Variants in MAGI2 observed in about 807,000 individuals in gnomAD.
MAGI2 encodes membrane associated guanylate kinase, WW and PDZ domain containing 2, also known as membrane-associated guanylate kinase, WW and PDZ domain-containing protein 2.
A neutral mutation model predicts 133.3 loss-of-function variants in MAGI2; 35 were observed. The ratio of observed to expected loss-of-function variants is 0.26; its 90% CI spans 0.20 to 0.35. The LOEUF (loss-of-function observed/expected upper bound fraction) is 0.35. MAGI2 is among the 10% of genes least tolerant of loss of function. The pLI is 1.00. For synonymous variants in MAGI2, 729 were observed against 710.6 expected (o/e 1.03, Z -0.41); for missense variants, 1,636 against 1,863.4 (o/e 0.88, Z 2.25).
intron 2 of MAGI2, among the ~76,000 whole-genome samples, chr7:78,931,230 G>A (rs181076404): frequency 2.0e-5 from 3 of 152,252 alleles, no homozygotes; most frequent in African/African-American, 7.2e-5. Context: ...TGGACTGATT[G>A]TGGATTTTCA....
At chr7:78,663,152 G>A (rs1162983226) in intron 2 of MAGI2, among the ~76,000 whole-genome samples, 1 of 150,018 alleles carries the variant, frequency 6.7e-6, no homozygotes, top group African/African-American at 2.5e-5. Context: ...TGGTTACCAT[G>A]GTTACCTCTT....
chr7:78,761,508 C>A (rs1824509659), intron 2 of MAGI2, among the ~76,000 whole-genome samples: 1 of 151,434 alleles, frequency 6.6e-6, no homozygotes, highest in Non-Finnish European at 1.5e-5. Flanking sequence ...CTCTGTCCCC[C>A]AGGCTGGAGT....
chr7:79,071,418 C>T (rs1183972641), intron 1 of MAGI2, among the ~76,000 whole-genome samples: 1 of 152,020 alleles, frequency 6.6e-6, no homozygotes, highest in Non-Finnish European at 1.5e-5. Context: ...AGTCAGGATA[C>T]ACGGGGGTCA....
intron 1 of MAGI2, among the ~76,000 whole-genome samples, chr7:79,120,265 A>C (rs1180402720): frequency 2.0e-5 from 3 of 152,078 alleles, no homozygotes; most frequent in Non-Finnish European, 4.4e-5. Flanking sequence ...TTACATATGG[A>C]ATATTTAAAA....
At chr7:79,449,735 A>T (rs748807100) in intron 1 of MAGI2, among the ~76,000 whole-genome samples, 3 of 151,992 alleles carry the variant, frequency 2.0e-5, no homozygotes, top group Non-Finnish European at 4.4e-5. Context: ...ACAATAAGCC[A>T]TATTTTAATA....
chr7:79,382,949 A>G (rs915993949), intron 1 of MAGI2, among the ~76,000 whole-genome samples: 1 of 151,686 alleles, frequency 6.6e-6, no homozygotes, highest in Non-Finnish European at 1.5e-5. Context: ...AACCATCTTT[A>G]GCAACAATAG....
intron 6 of MAGI2, among the ~76,000 whole-genome samples, chr7:78,392,952 C>T (rs1479858407): frequency 3.9e-5 from 6 of 152,110 alleles, no homozygotes; most frequent in Non-Finnish European, 7.3e-5. Context: ...TGAGCCACCG[C>T]GCCTGGCCTG....
At chr7:78,555,658 A>T (rs1799760522) in intron 3 of MAGI2, among the ~76,000 whole-genome samples, 1 of 152,192 alleles carries the variant, frequency 6.6e-6, no homozygotes, top group Non-Finnish European at 1.5e-5. Context: ...CTACCTGCTG[A>T]TAAAACCACA....
chr7:78,516,454 G>C (rs975789839), intron 4 of MAGI2, among the ~76,000 whole-genome samples: 2 of 152,140 alleles, frequency 1.3e-5, no homozygotes, highest in African/African-American at 2.4e-5. Context: ...CTGGGCTCAA[G>C]TGATCCTCCC....
At chr7:79,341,000 T>C (rs1334364037) in intron 1 of MAGI2, among the ~76,000 whole-genome samples, 1 of 152,102 alleles carries the variant, frequency 6.6e-6, no homozygotes, top group Non-Finnish European at 1.5e-5. Flanking sequence ...ACACCTATTA[T>C]AAAAATTATT....
chr7:78,147,432 CTT>C (rs1823414337), intron 16 of MAGI2, among the ~76,000 whole-genome samples: 1 of 152,228 alleles, frequency 6.6e-6, no homozygotes, highest in East Asian at 1.9e-4. Context: ...TCTCTCATGA[CTT>C]ATATTTTAAA....
chr7:79,378,910 A>G (rs1178534466), intron 1 of MAGI2, among the ~76,000 whole-genome samples: 3 of 87,980 alleles, frequency 3.4e-5, no homozygotes, highest in Admixed American at 2.7e-4. Context: ...TCTTTTATAT[A>G]TATATATGTG....
chr7:78,685,650 A>G (rs796513187), intron 2 of MAGI2, among the ~76,000 whole-genome samples: 52 of 151,048 alleles, frequency 3.4e-4, no homozygotes, highest in African/African-American at 9.7e-4. Context: ...CTATATATAT[A>G]TGTGTGTGTG....
chr7:78,521,376 T>C lies in MAGI2; in HGVS notation c.754+54A>G, dbSNP rs115495638. 4.2e-5 allele frequency: 55 copies of C among 1,296,776 alleles called. No individual in the cohort carries two copies. In the African/African-American group the frequency reaches 5.7e-4, roughly 13 times the overall value. The allele number at this position is 1,296,776 out of a possible 1,614,324, so 80.3% of individuals were successfully genotyped here. The stretch of plus-strand genomic sequence containing the variant: ...TACTGTGTATATGTGTACATATATA[T>C]CTTAGATCTAAAACAGTAAATTTAT... On this transcript the variant is annotated intron_variant, in intron 4 of 21. Coordinates refer to ENST00000354212, the MANE Select transcript of MAGI2 (RefSeq NM_012301.4).
chr7:78,869,823 T>TC (rs1197819407), intron 2 of MAGI2, among the ~76,000 whole-genome samples: 13 of 152,258 alleles, frequency 8.5e-5, no homozygotes, highest in African/African-American at 2.9e-4. Flanking sequence ...GAGATTTGGG[T>TC]GGGGGCACAA....
intron 21 of MAGI2, among the ~76,000 whole-genome samples, chr7:78,047,239 A>AAAATG (rs1811527686): frequency 6.6e-6 from 1 of 152,166 alleles, no homozygotes; most frequent in African/African-American, 2.4e-5. Context: ...GAAGGCAAAT[A>AAAATG]AAATGGGGAG....
At chr7:78,437,520 G>A (rs1292676325) in intron 6 of MAGI2, among the ~76,000 whole-genome samples, 2 of 152,100 alleles carry the variant, frequency 1.3e-5, no homozygotes, top group Admixed American at 1.3e-4. Context: ...GCAGGAAATG[G>A]GCCTTGGTAT....
At chr7:78,172,827 C>CTTAG (rs1826241942) in intron 14 of MAGI2, among the ~76,000 whole-genome samples, 1 of 152,130 alleles carries the variant, frequency 6.6e-6, no homozygotes, top group South Asian at 2.1e-4. Flanking sequence ...TATCTCTGGA[C>CTTAG]TTAGAATGTG....
At chr7:78,519,175 A>G (rs56309632) in intron 4 of MAGI2, 8,433 of 151,168 alleles carry the variant, frequency 0.056, 282 homozygotes, top group Middle Eastern at 0.16. Context: ...CAAAAGGTGA[A>G]GAGTTGGGAA....
Sources: allele counts gnomAD v4.1 joint callset (sites outside exome capture counted in the v4.1 genomes callset), GRCh38; gene constraint gnomAD v4.1.1; transcripts MANE v1.5; gene names NCBI Gene and HGNC (gene_info 2026-07-23, HGNC 2026-07-21).